STPG2: variants seen among roughly 807,000 people sequenced by gnomAD.
STPG2 encodes the protein sperm-tail PG-rich repeat-containing protein 2.
A neutral mutation model predicts 54.2 loss-of-function variants in STPG2; 56 were observed. That is an observed-to-expected ratio of 1.03 (90% confidence interval 0.83 to 1.29). STPG2 has a LOEUF of 1.29. Among genes scored for constraint, STPG2 ranks in the 50% most tolerant of loss-of-function variants. The probability of loss-of-function intolerance (pLI) is 0.00; values close to 1 mark genes in which losing one functional copy is unlikely to be tolerated. For missense variants in STPG2, 596 were observed against 544.9 expected (o/e 1.09, Z -0.93); for synonymous variants, 200 against 181.8 (o/e 1.10, Z -0.81).
Position 97,539,302 on chromosome 4 carries a change from C to T in STPG2, c.462+173397G>A, listed in dbSNP as rs190347559. On this transcript the variant is annotated intron_variant, in intron 4 of 4. Transcript: ENST00000522676. ...TGTGCTGTATTCAGGAAACCCATCT[C>T]ACATGCAGAGACACAGACAGGCTCA... Among the ~76,000 whole-genome samples the T allele has an allele frequency of 2.8e-4, 42 of 152,232 alleles. 1 individual carries two copies. The East Asian group carries it at 7.9e-3, about 29-fold the overall frequency.
At chr4:97,647,553 C>T (rs1721945512) in intron 10 of STPG2, among the ~76,000 whole-genome samples, 1 of 152,030 alleles carries the variant, frequency 6.6e-6, no homozygotes, top group Admixed American at 6.6e-5. Context: ...TGAGGCTGTC[C>T]CATTATCCCC....
intron 10 of STPG2, among the ~76,000 whole-genome samples, chr4:97,625,217 G>GA (rs1281337908): frequency 6.6e-6 from 1 of 152,178 alleles, no homozygotes; most frequent in African/African-American, 2.4e-5. Context: ...TTTCAATACG[G>GA]AAAAACATTT....
chr4:97,688,756 C>T (rs968640876), intron 10 of STPG2, among the ~76,000 whole-genome samples: 2 of 152,022 alleles, frequency 1.3e-5, no homozygotes, highest in East Asian at 1.9e-4. Flanking sequence ...TAGTAAGAAT[C>T]TTATAGAATA....
chr4:97,949,658 T>C (rs906559495), intron 7 of STPG2, among the ~76,000 whole-genome samples: 3 of 152,102 alleles, frequency 2.0e-5, no homozygotes, highest in Non-Finnish European at 4.4e-5. Context: ...TTTTGCTGGA[T>C]ACAAAATTTT....
chr4:97,852,308 T>C (rs1381162704), intron 8 of STPG2, among the ~76,000 whole-genome samples: 2 of 152,244 alleles, frequency 1.3e-5, no homozygotes, highest in Admixed American at 1.3e-4. Flanking sequence ...TGGCAAGAAC[T>C]ATCCCTTGTA....
intron 8 of STPG2, among the ~76,000 whole-genome samples, chr4:97,860,449 G>T (rs1269263732): frequency 6.7e-6 from 1 of 149,892 alleles, no homozygotes; most frequent in Non-Finnish European, 1.5e-5. Flanking sequence ...TCACCTCCTT[G>T]GTCAGGTATA....
intron 7 of STPG2, among the ~76,000 whole-genome samples, chr4:97,952,073 C>T (rs1299912763): frequency 2.6e-5 from 4 of 152,136 alleles, no homozygotes; most frequent in Admixed American, 6.5e-5. Context: ...TTCCATCAGA[C>T]AGGCACCTAT....
At chr4:97,541,358 C>T (rs62219121) in intron 4 of STPG2, among the ~76,000 whole-genome samples, 1 of 152,096 alleles carries the variant, frequency 6.6e-6, no homozygotes, top group South Asian at 2.1e-4. Flanking sequence ...CATGAGTGAA[C>T]TCCCATTCAC....
intron 10 of STPG2, among the ~76,000 whole-genome samples, chr4:97,658,755 C>T (rs1352592408): frequency 6.6e-6 from 1 of 152,108 alleles, no homozygotes; most frequent in Non-Finnish European, 1.5e-5. Flanking sequence ...ATTAAATTTT[C>T]TTTAAAAAGT....
intron 10 of STPG2, among the ~76,000 whole-genome samples, chr4:97,659,995 T>A (rs894800066): frequency 2.7e-5 from 4 of 150,440 alleles, no homozygotes; most frequent in African/African-American, 9.7e-5. Context: ...TGTAGAAGAA[T>A]CTTTCTTTCT....
At chr4:98,001,638 A>T (rs1281608698) in intron 5 of STPG2, among the ~76,000 whole-genome samples, 1 of 152,166 alleles carries the variant, frequency 6.6e-6, no homozygotes, top group Admixed American at 6.6e-5. Flanking sequence ...TTGCAAAGAC[A>T]GAGAATTCAA....
intron 5 of STPG2, among the ~76,000 whole-genome samples, chr4:98,075,903 T>C (rs1196164705): frequency 6.6e-6 from 1 of 152,194 alleles, no homozygotes; most frequent in Non-Finnish European, 1.5e-5. Flanking sequence ...TGAGGGCACC[T>C]TTAAAATCTT....
chr4:97,939,315 GT>G (rs1732887383), intron 8 of STPG2, among the ~76,000 whole-genome samples: 1 of 46,340 alleles, frequency 2.2e-5, no homozygotes, highest in Non-Finnish European at 5.4e-5. Flanking sequence ...TTCTGAAAAG[GT>G]CTATCAGATC....
intron 10 of STPG2, among the ~76,000 whole-genome samples, chr4:97,655,468 C>T (rs1051836710): frequency 6.6e-6 from 1 of 151,974 alleles, no homozygotes; most frequent in Non-Finnish European, 1.5e-5. Flanking sequence ...AACTATTAAA[C>T]AAAAGTAGAA....
chr4:97,563,477 C>T (rs528571137), intron 10 of STPG2, among the ~76,000 whole-genome samples: 11 of 152,230 alleles, frequency 7.2e-5, no homozygotes, highest in Admixed American at 6.5e-4. Context: ...TTGCCTTCTG[C>T]TAGCTTTTGA....
At chr4:97,956,620 C>T (rs1277471560) in intron 7 of STPG2, among the ~76,000 whole-genome samples, 1 of 152,098 alleles carries the variant, frequency 6.6e-6, no homozygotes, top group South Asian at 2.1e-4. Flanking sequence ...CTGAGAGATC[C>T]ACATATGGTT....
intron 9 of STPG2, among the ~76,000 whole-genome samples, chr4:97,831,371 C>T (rs1262921044): frequency 6.6e-6 from 1 of 152,086 alleles, no homozygotes; most frequent in African/African-American, 2.4e-5. Context: ...ATATTTAAAG[C>T]AGTGTGTAGA....
intron 8 of STPG2, among the ~76,000 whole-genome samples, chr4:97,913,684 C>T (rs902333047): frequency 2.0e-5 from 3 of 152,130 alleles, no homozygotes; most frequent in African/African-American, 7.2e-5. Flanking sequence ...TAAAAATCCT[C>T]ATTCCTTATA....
chr4:97,609,493 CA>C (rs1411736823), intron 10 of STPG2, among the ~76,000 whole-genome samples: 1 of 151,816 alleles, frequency 6.6e-6, no homozygotes, highest in Non-Finnish European at 1.5e-5. Context: ...ACAGAAATAG[CA>C]AATGTCCATT....
Sources: allele counts gnomAD v4.1 joint callset (sites outside exome capture counted in the v4.1 genomes callset), GRCh38; gene constraint gnomAD v4.1.1; transcripts MANE v1.5; gene names NCBI Gene and HGNC (gene_info 2026-07-23, HGNC 2026-07-21).